KIF26B: variants seen among roughly 807,000 people sequenced by gnomAD.
The protein encoded by KIF26B is kinesin family member 26B.
Under a neutral mutation model 151.2 loss-of-function variants are expected in KIF26B, and 63 were observed. The ratio of observed to expected loss-of-function variants is 0.42; its 90% CI spans 0.34 to 0.51. KIF26B has a LOEUF of 0.51. Ranked by LOEUF, KIF26B falls within the 20% of genes least tolerant of loss-of-function variation. The pLI, the probability that KIF26B is intolerant of heterozygous loss-of-function variation, is 0.07. For synonymous variants in KIF26B, 1,357 were observed against 1,262.1 expected, an observed-to-expected ratio of 1.08 and a Z score of -1.59; for missense variants, 2,813 against 2,913.6, an observed-to-expected ratio of 0.97 and a Z score of 0.79.
intron 2 of KIF26B, among the ~76,000 whole-genome samples, chr1:245,247,288 T>TAA (rs769748932): frequency 2.5e-4 from 29 of 116,730 alleles, no homozygotes; most frequent in South Asian, 5.5e-4. Context: ...TCATCTCTAC[T>TAA]AAAAAAAAAA....
At position 245,698,251 on chromosome 1, in the gene KIF26B, A is replaced by G. The variant is rs751607700; in HGVS notation, c.5970A>G (p.Lys1990=). The G allele has an allele frequency of 6.2e-7, 1 of 1,613,828 alleles. No individual in the cohort carries two copies. Among genetic ancestry groups the G allele is most frequent in the Non-Finnish European group, 8.5e-7 (1 of 1,179,782 alleles). Reference sequence around the variant, plus strand: ...GCCTTGGGGAACCCTTTGAGATTAAAGTCTATGAAATCGATGACGTGGAGC... The same window carrying G: ...GCCTTGGGGAACCCTTTGAGATTAAGGTCTATGAAATCGATGACGTGGAGC... ...PRGLGEPFEI[K]VYEIDDVERL... is the part of the protein sequence containing the mutation. The change falls in exon 13 of 15, where the codon AAA becomes AAG. Residue 1990 remains lysine, a synonymous_variant. Transcript: ENST00000407071. This position sits in a 1 kb window ranked among gnomAD's most constrained non-coding sequence, Gnocchi z 4.0.
At chr1:245,243,692 C>CA (rs1014128799) in intron 2 of KIF26B, among the ~76,000 whole-genome samples, 15 of 150,484 alleles carry the variant, frequency 1.0e-4, no homozygotes, top group African/African-American at 2.2e-4. Flanking sequence ...AATAAAAATA[C>CA]AAAAAAAAAT....
chr1:245,573,607 A>G (rs563832151), intron 5 of KIF26B, among the ~76,000 whole-genome samples: 1 of 152,168 alleles, frequency 6.6e-6, no homozygotes, highest in Non-Finnish European at 1.5e-5. Flanking sequence ...CTTATTGCTT[A>G]TTTTTTAACT....
chr1:245,347,096 C>T (rs557653599), intron 2 of KIF26B, among the ~76,000 whole-genome samples: 4 of 152,300 alleles, frequency 2.6e-5, no homozygotes, highest in African/African-American at 4.8e-5. Context: ...AGAACACAGC[C>T]GTGGTGACTG....
At chr1:245,305,896 C>T (rs1314454172) in intron 2 of KIF26B, among the ~76,000 whole-genome samples, 3 of 138,496 alleles carry the variant, frequency 2.2e-5, no homozygotes, top group Non-Finnish European at 3.0e-5. Context: ...GAGATCGCAC[C>T]ACTGCACTCC....
intron 5 of KIF26B, among the ~76,000 whole-genome samples, chr1:245,598,623 T>C (rs1225226502): frequency 6.6e-6 from 1 of 151,968 alleles, no homozygotes; most frequent in African/African-American, 2.4e-5. Flanking sequence ...ATCACCTCCA[T>C]GTCGATGGAG....
intron 4 of KIF26B, among the ~76,000 whole-genome samples, chr1:245,484,766 C>CTTCTTCTTCTTCTT (rs1558184420): frequency 7.3e-4 from 90 of 123,260 alleles, no homozygotes; most frequent in African/African-American, 2.8e-3. Flanking sequence ...TCTTCTTCTT[C>CTTCTTCTTCTTCTT]ATATTATTAT....
In KIF26B at chr1:245,586,892, C is replaced by CAAA. The variant is rs10715064; in HGVS notation, c.1351-15670_1351-15668dup. On this transcript the variant is annotated intron_variant, in intron 5 of 14. Coordinates refer to ENST00000407071, the MANE Select transcript of KIF26B (RefSeq NM_018012.4). The stretch of plus-strand genomic sequence containing the variant: ...TGGGTGACAGAGCGAGACTCCGTCT[C>CAAA]AAAAAAAAAAAAAAAAACATCAAAC... Among the ~76,000 whole-genome samples the CAAA allele has an allele frequency of 4.7e-3, 522 of 111,554 alleles. 3 individuals carry two copies. Among genetic ancestry groups the CAAA allele is most frequent in the African/African-American group, 0.014 (447 of 31,770 alleles). 73.2% of individuals were successfully genotyped at this position (111,554 alleles called of 152,430 possible). A position where few individuals can be genotyped will look rare whatever the true frequency, so the allele number is the denominator to read the frequency against.
At chr1:245,524,891 C>A (rs1187700852) in intron 4 of KIF26B, among the ~76,000 whole-genome samples, 1 of 152,152 alleles carries the variant, frequency 6.6e-6, no homozygotes, top group African/African-American at 2.4e-5. Context: ...ATAATGAACT[C>A]ATTAATTCTA....
At chr1:245,302,988 CAAAAAAAAAA>C (rs74163037) in intron 2 of KIF26B, among the ~76,000 whole-genome samples, 3 of 35,816 alleles carry the variant, frequency 8.4e-5, no homozygotes, top group African/African-American at 2.3e-4. Flanking sequence ...GACTCTGTCT[CAAAAAAAAAA>C]AAAAAAAAAA....
At chr1:245,626,907 T>C (rs544761638) in intron 9 of KIF26B, among the ~76,000 whole-genome samples, 47 of 152,350 alleles carry the variant, frequency 3.1e-4, no homozygotes, top group African/African-American at 1.1e-3. Context: ...TGGATTTTTA[T>C]ATATGGTAAG....
intron 4 of KIF26B, among the ~76,000 whole-genome samples, chr1:245,444,180 G>GAGAGA (rs1659194576): frequency 6.7e-6 from 1 of 150,348 alleles, no homozygotes; most frequent in African/African-American, 2.5e-5. Context: ...ACCTAGAGTG[G>GAGAGA]TCATCTCCCT....
intron 3 of KIF26B, among the ~76,000 whole-genome samples, chr1:245,400,526 G>C (rs1302134417): frequency 8.0e-6 from 1 of 124,486 alleles, no homozygotes; most frequent in Admixed American, 9.6e-5. Flanking sequence ...TTGGCTACTT[G>C]AGGATTCTCT....
intron 12 of KIF26B, among the ~76,000 whole-genome samples, chr1:245,695,088 G>A (rs2044674028): frequency 6.6e-6 from 1 of 152,202 alleles, no homozygotes; most frequent in Non-Finnish European, 1.5e-5. Context: ...CAGCCTGGAA[G>A]GAGGGGATCC....
chr1:245,686,040 G>GCCCA lies in KIF26B; in HGVS notation c.3057_3058insCCCA (p.Ala1020ProfsTer12), dbSNP rs1558270310. 1.6e-5 allele frequency: 25 copies of GCCCA among 1,594,772 alleles called. No individual in the cohort carries two copies. The highest frequency in any genetic ancestry group is 2.0e-5 in the Non-Finnish European group (24 of 1,171,376). On this transcript the variant is annotated frameshift_variant, in exon 12 of 15. Coordinates refer to ENST00000407071, the MANE Select transcript of KIF26B (RefSeq NM_018012.4). LOFTEE classifies it high-confidence loss of function. This position sits in a 1 kb window ranked among gnomAD's most constrained non-coding sequence, Gnocchi z 5.6. ...CGGCACCCGCCCACAGCCCCAGCCC[G>GCCCA]GCCTCACCCAGGAGCGTCCCGGGCA...
rs904712395 is a variant in KIF26B, at chr1:245,592,196, C to T, written c.1351-10381C>T. ...GCAAATCTTCCCTCTCTGATGGCAT[C>T]GCTGCTCATTATTTGCTGTCTGGCA... is the stretch of plus-strand genomic sequence containing the variant. On this transcript the variant is annotated intron_variant, in intron 5 of 14. Coordinates refer to ENST00000407071, the MANE Select transcript of KIF26B (RefSeq NM_018012.4). 3.3e-5 allele frequency among the ~76,000 whole-genome samples: 5 copies of T among 152,206 alleles called. 1 individual carries two copies. Among genetic ancestry groups the T allele is most frequent in the South Asian group, 4.1e-4 (2 of 4,828 alleles).
At chr1:245,319,857 C>T (rs1053118832) in intron 2 of KIF26B, among the ~76,000 whole-genome samples, 3 of 152,264 alleles carry the variant, frequency 2.0e-5, no homozygotes, top group South Asian at 2.1e-4. Context: ...TTTGAGGATA[C>T]GATTTCTGAG....
chr1:245,408,674 A>T (rs981998763), intron 3 of KIF26B, among the ~76,000 whole-genome samples: 5 of 152,014 alleles, frequency 3.3e-5, no homozygotes, highest in South Asian at 2.1e-4. Flanking sequence ...TCTTTTTTTT[A>T]AAATACAATC....
intron 3 of KIF26B, among the ~76,000 whole-genome samples, chr1:245,387,734 G>A (rs1673586864): frequency 6.6e-6 from 1 of 152,078 alleles, no homozygotes; most frequent in African/African-American, 2.4e-5. Flanking sequence ...CGATATTTCT[G>A]CTTCCCTAAT....
Sources: gnomAD v4.1 joint callset for allele counts (sites outside exome capture counted in the v4.1 genomes callset) on GRCh38, gnomAD v4.1.1 for gene constraint, Gnocchi (gnomAD v3.1) non-coding constraint, MANE v1.5 for transcripts, NCBI Gene and HGNC (gene_info 2026-07-23, HGNC 2026-07-21) for gene names.